Variants in CFAP299 observed in about 807,000 individuals in gnomAD.
CFAP299 encodes the protein cilia and flagella associated protein 299, also known as cilia- and flagella-associated protein 299.
A neutral mutation model predicts 27.0 loss-of-function variants in CFAP299; 21 were observed. The ratio of observed to expected loss-of-function variants is 0.78; its 90% confidence interval spans 0.55 to 1.12. The LOEUF (loss-of-function observed/expected upper bound fraction) is 1.12, where lower values mean the gene tolerates loss of function less well. Ranked by LOEUF, CFAP299 falls within the 50% of genes most tolerant of loss-of-function variation. The pLI, the probability that CFAP299 is intolerant of heterozygous loss-of-function variation, is 0.00. For missense variants in CFAP299, 310 were observed against 276.6 expected, an observed-to-expected ratio of 1.12 and a Z score of -0.86; for synonymous variants, 104 against 98.1, an observed-to-expected ratio of 1.06 and a Z score of -0.36.
chr4:80,667,236 C>T (rs1459123788), intron 3 of CFAP299, among the ~76,000 whole-genome samples: 1 of 151,938 alleles, frequency 6.6e-6, no homozygotes, highest in African/African-American at 2.4e-5. Flanking sequence ...TACATATTCT[C>T]GGGTATTTGT....
intron 2 of CFAP299, among the ~76,000 whole-genome samples, chr4:80,454,851 A>G (rs1158820907): frequency 1.3e-5 from 2 of 152,088 alleles, no homozygotes; most frequent in Admixed American, 6.5e-5. Flanking sequence ...GTTTTTAAGG[A>G]TAACATGGTG....
At chr4:80,380,422 ATTTTTT>A (rs10701207) in intron 2 of CFAP299, among the ~76,000 whole-genome samples, 13 of 96,138 alleles carry the variant, frequency 1.4e-4, no homozygotes, top group Admixed American at 2.7e-4. Flanking sequence ...TGTGTCTCAC[ATTTTTT>A]TTTTTTTTTT....
intron 3 of CFAP299, among the ~76,000 whole-genome samples, chr4:80,800,011 AGTAATAT>A (rs1728316202): frequency 3.4e-5 from 2 of 58,912 alleles, no homozygotes. Context: ...ATATATAATA[AGTAATAT>A]ATATTATATA....
intron 3 of CFAP299, among the ~76,000 whole-genome samples, chr4:80,798,630 C>A (rs1038157444): frequency 2.0e-5 from 3 of 152,026 alleles, no homozygotes; most frequent in Non-Finnish European, 4.4e-5. Flanking sequence ...AGATAAGATT[C>A]CAACTCAGGA....
At chr4:80,386,192 C>A in intron 2 of CFAP299, 5 of 820,814 alleles carry the variant, frequency 6.1e-6, no homozygotes, top group East Asian at 2.6e-5. Context: ...TCTGAGGCCT[C>A]GATGTAGATG....
At chr4:80,900,839 CCTTTT>C (rs1553904580) in intron 4 of CFAP299, among the ~76,000 whole-genome samples, 1 of 151,618 alleles carries the variant, frequency 6.6e-6, no homozygotes, top group Non-Finnish European at 1.5e-5. Context: ...ACCTCTATGT[CCTTTT>C]GTTTCTGCAT....
At chr4:80,368,570 C>A (rs1222882322) in intron 2 of CFAP299, among the ~76,000 whole-genome samples, 2 of 151,946 alleles carry the variant, frequency 1.3e-5, no homozygotes, top group Non-Finnish European at 2.9e-5. Context: ...GATAGAACTG[C>A]CTGAGCCCAA....
At chr4:80,434,691 C>T (rs928948417) in intron 2 of CFAP299, among the ~76,000 whole-genome samples, 11 of 152,176 alleles carry the variant, frequency 7.2e-5, no homozygotes, top group African/African-American at 2.7e-4. Context: ...AAACCTACAT[C>T]CTAAGACAGA....
At chr4:80,372,527 A>G (rs1445919850) in intron 2 of CFAP299, among the ~76,000 whole-genome samples, 2 of 152,252 alleles carry the variant, frequency 1.3e-5, no homozygotes, top group African/African-American at 4.8e-5. Context: ...GTTTTAAGCC[A>G]TCCTCTCTGT....
intron 2 of CFAP299, among the ~76,000 whole-genome samples, chr4:80,576,490 T>A (rs1367765731): frequency 1.3e-5 from 2 of 152,052 alleles, no homozygotes; most frequent in Non-Finnish European, 2.9e-5. Context: ...TTCTCATCAA[T>A]TTGCAAATAA....
chr4:80,352,260 T>C (rs142748936), intron 1 of CFAP299, among the ~76,000 whole-genome samples: 3,232 of 152,284 alleles, frequency 0.021, 68 homozygotes, highest in Admixed American at 0.069. Flanking sequence ...AATGTAAGTA[T>C]GTAAAAGATT....
chr4:80,663,418 G>A (rs1470901397), intron 3 of CFAP299, among the ~76,000 whole-genome samples: 1 of 152,114 alleles, frequency 6.6e-6, no homozygotes, highest in Non-Finnish European at 1.5e-5. Context: ...AGTTTGCAGA[G>A]AATGATGGTT....
intron 3 of CFAP299, among the ~76,000 whole-genome samples, chr4:80,714,370 G>T (rs1722354100): frequency 6.6e-6 from 1 of 152,086 alleles, no homozygotes; most frequent in Non-Finnish European, 1.5e-5. Context: ...TTCAACTTCT[G>T]ATTATACTTT....
At chr4:80,662,683 T>A (rs1285694829) in intron 3 of CFAP299, among the ~76,000 whole-genome samples, 1 of 152,146 alleles carries the variant, frequency 6.6e-6, no homozygotes, top group Admixed American at 6.5e-5. Context: ...GTAGAGTAGA[T>A]GCTAGGTGAT....
At chr4:80,750,197 TTA>T (rs1383253824) in intron 3 of CFAP299, among the ~76,000 whole-genome samples, 3 of 152,112 alleles carry the variant, frequency 2.0e-5, no homozygotes, top group African/African-American at 7.2e-5. Flanking sequence ...CCCTGTAGAA[TTA>T]TCTTTGAAAA....
At chr4:80,362,113 G>A (rs1305178506) in intron 1 of CFAP299, among the ~76,000 whole-genome samples, 1 of 51,898 alleles carries the variant, frequency 1.9e-5, no homozygotes. Flanking sequence ...TAAAATACTG[G>A]GAAGTTTTTT....
chr4:80,555,224 T>G (rs112161877), intron 2 of CFAP299, among the ~76,000 whole-genome samples: 21 of 152,234 alleles, frequency 1.4e-4, no homozygotes, highest in African/African-American at 4.6e-4. Flanking sequence ...TGAATTTTAT[T>G]GAATGCCTTT....
chr4:80,853,567 T>G (rs1305862216), intron 3 of CFAP299, among the ~76,000 whole-genome samples: 2 of 152,080 alleles, frequency 1.3e-5, no homozygotes, highest in African/African-American at 4.8e-5. Context: ...AGAAAACATA[T>G]CATACAAAAG....
chr4:80,826,647 A>G (rs544812248), intron 3 of CFAP299, among the ~76,000 whole-genome samples: 101 of 151,880 alleles, frequency 6.6e-4, no homozygotes, highest in African/African-American at 2.4e-3. Context: ...AATGAATAGG[A>G]CATCCAGAAA....
Sources: gnomAD v4.1 joint callset for allele counts (sites outside exome capture counted in the v4.1 genomes callset) on GRCh38, gnomAD v4.1.1 for gene constraint, MANE v1.5 for transcripts, NCBI Gene and HGNC (gene_info 2026-07-23, HGNC 2026-07-21) for gene names.